ZMYND11: variants seen among roughly 807,000 people sequenced by gnomAD.
ZMYND11 encodes the protein zinc finger MYND-type containing 11.
Under a neutral mutation model 84.9 loss-of-function variants are expected in ZMYND11, and 9 were observed. The ratio of observed to expected loss-of-function variants is 0.11; its 90% CI spans 0.06 to 0.18. The LOEUF is 0.18. ZMYND11 is among the 10% of genes least tolerant of loss of function. The pLI is 1.00. For missense variants in ZMYND11, 409 were observed against 761.0 expected (o/e 0.54, Z 5.44); for synonymous variants, 250 against 244.1 (o/e 1.02, Z -0.23).
At chr10:138,607 C>T (rs537595316) in intron 1 of ZMYND11, among the ~76,000 whole-genome samples, 2 of 152,170 alleles carry the variant, frequency 1.3e-5, no homozygotes, top group Non-Finnish European at 2.9e-5. Context: ...AATTTTAATA[C>T]TTGCTATAAA....
At chr10:244,797 T>A (rs2131876066) in intron 10 of ZMYND11, among the ~76,000 whole-genome samples, 1 of 152,360 alleles carries the variant, frequency 6.6e-6, no homozygotes, top group Non-Finnish European at 1.5e-5. Context: ...CCCGTGATAA[T>A]CAGATTTCAG....
upstream of ZMYND11, among the ~76,000 whole-genome samples, chr10:133,361 C>CTA (rs1554750402): frequency 3.3e-5 from 5 of 152,084 alleles, no homozygotes; most frequent in African/African-American, 1.2e-4. Context: ...TATTCGTATT[C>CTA]ATCTTAGTGG....
At chr10:229,790 C>G (rs940250988) in intron 4 of ZMYND11, among the ~76,000 whole-genome samples, 1 of 152,190 alleles carries the variant, frequency 6.6e-6, no homozygotes, top group Non-Finnish European at 1.5e-5. Flanking sequence ...TCACCACTTC[C>G]GCTGGACCAG....
chr10:145,539 C>T (rs781891727), intron 1 of ZMYND11, among the ~76,000 whole-genome samples: 16 of 152,270 alleles, frequency 1.1e-4, no homozygotes, highest in Admixed American at 2.0e-4. Flanking sequence ...CTCTTTTCTC[C>T]GCATCCATGC....
At chr10:159,186 C>T (rs1286261950) in intron 1 of ZMYND11, among the ~76,000 whole-genome samples, 2 of 149,426 alleles carry the variant, frequency 1.3e-5, no homozygotes, top group Non-Finnish European at 3.0e-5. Flanking sequence ...TCAGCCAGTT[C>T]CTTATTGATT....
At chr10:251,759 ATGG>A (rs1377883559) in intron 14 of ZMYND11, among the ~76,000 whole-genome samples, 2 of 152,148 alleles carry the variant, frequency 1.3e-5, no homozygotes, top group African/African-American at 4.8e-5. Flanking sequence ...GGAGGTGTAC[ATGG>A]TGGGATGTTT....
At chr10:234,338 T>A (rs1286984810) in intron 4 of ZMYND11, among the ~76,000 whole-genome samples, 1 of 152,208 alleles carries the variant, frequency 6.6e-6, no homozygotes, top group East Asian at 1.9e-4. Flanking sequence ...CCTCTCCCAC[T>A]GTCACTACTC....
At chr10:201,075 A>T (rs1943060020) in intron 2 of ZMYND11, among the ~76,000 whole-genome samples, 1 of 152,014 alleles carries the variant, frequency 6.6e-6, no homozygotes, top group African/African-American at 2.4e-5. Context: ...TACTAGATCA[A>T]TATTCATTTA....
intron 4 of ZMYND11, among the ~76,000 whole-genome samples, chr10:231,934 A>G (rs927280272): frequency 8.5e-5 from 13 of 152,246 alleles, no homozygotes; most frequent in African/African-American, 1.7e-4. Context: ...GTTGACCACA[A>G]TCACTCCCGT....
chr10:213,940 T>C (rs1388534426), intron 3 of ZMYND11, among the ~76,000 whole-genome samples: 1 of 152,208 alleles, frequency 6.6e-6, no homozygotes, highest in Non-Finnish European at 1.5e-5. Context: ...TTTTATGAAA[T>C]CTAGCAATCA....
intron 3 of ZMYND11, among the ~76,000 whole-genome samples, chr10:217,186 G>A (rs560588959): frequency 6.6e-6 from 1 of 152,224 alleles, no homozygotes; most frequent in South Asian, 2.1e-4. Flanking sequence ...CTCTTTCTGT[G>A]CTTCGGTTTG....
rs995667976 is a variant in ZMYND11, at chr10:143,791, T to C, written c.-20+8232T>C. Among the ~76,000 whole-genome samples the C allele has an allele frequency of 4.6e-5, 7 of 152,210 alleles. No homozygotes were observed. In the East Asian group the frequency reaches 1.2e-3, roughly 25 times the overall value. ...CGTATATGTTCTACAGTTATAACTT[T>C]ACGAAGCCTTTCACTTGTGATCAAT... On this transcript the variant is annotated intron_variant, in intron 1 of 14. Coordinates refer to ENST00000381604, the MANE Select transcript of ZMYND11 (RefSeq NM_001370100.5).
At chr10:182,515 AAAAG>A (rs1255712418) in intron 2 of ZMYND11, among the ~76,000 whole-genome samples, 4 of 152,218 alleles carry the variant, frequency 2.6e-5, no homozygotes, top group Admixed American at 6.5e-5. Flanking sequence ...ATGAAAAAGA[AAAAG>A]AAAGAATCAG....
chr10:197,377 T>G (rs1277555083), intron 2 of ZMYND11, among the ~76,000 whole-genome samples: 1 of 151,962 alleles, frequency 6.6e-6, no homozygotes, highest in East Asian at 1.9e-4. Flanking sequence ...TTGGGGACAA[T>G]TAGAAAAAAG....
intron 1 of ZMYND11, among the ~76,000 whole-genome samples, chr10:141,508 G>C (rs1837495433): frequency 6.6e-6 from 1 of 152,148 alleles, no homozygotes; most frequent in African/African-American, 2.4e-5. Flanking sequence ...ATTAAGATAA[G>C]TCGTATTTGT....
intron 1 of ZMYND11, among the ~76,000 whole-genome samples, chr10:163,826 A>G (rs1554762893): frequency 6.6e-6 from 1 of 152,134 alleles, no homozygotes; most frequent in African/African-American, 2.4e-5. Context: ...GACTCAACAC[A>G]TACCTATACC....
intron 2 of ZMYND11, among the ~76,000 whole-genome samples, chr10:188,617 A>G (rs1939439738): frequency 6.6e-6 from 1 of 150,690 alleles, no homozygotes; most frequent in Admixed American, 6.6e-5. Flanking sequence ...AAAATTTCCC[A>G]GTATGATTCA....
chr10:175,432 G>C (rs1023154873), intron 1 of ZMYND11, among the ~76,000 whole-genome samples: 8 of 152,144 alleles, frequency 5.3e-5, no homozygotes, highest in African/African-American at 1.7e-4. Flanking sequence ...CCCAGCTGTG[G>C]TGGCGCACGC....
chr10:196,615 T>G (rs576932952), intron 2 of ZMYND11, among the ~76,000 whole-genome samples: 1 of 152,338 alleles, frequency 6.6e-6, no homozygotes, highest in East Asian at 1.9e-4. Context: ...TGTGTTAATA[T>G]AGATTGTGTA....
Sources: gnomAD v4.1 joint callset for allele counts (sites outside exome capture counted in the v4.1 genomes callset) on GRCh38, gnomAD v4.1.1 for gene constraint, MANE v1.5 for transcripts, NCBI Gene and HGNC (gene_info 2026-07-23, HGNC 2026-07-21) for gene names.